ASTN1: variants seen among roughly 807,000 people sequenced by gnomAD.
ASTN1 encodes the protein astrotactin-1.
In ASTN1, 41 loss-of-function variants were observed where a neutral mutation model predicts 140.7. The ratio of observed to expected loss-of-function variants is 0.29; its 90% CI spans 0.23 to 0.38. The LOEUF is 0.38. Ranked by LOEUF, ASTN1 falls within the 10% of genes least tolerant of loss-of-function variation. The pLI, the probability that ASTN1 is intolerant of heterozygous loss-of-function variation, is 1.00. For synonymous variants in ASTN1, 640 were observed against 652.2 expected (o/e 0.98, Z 0.29); for missense variants, 1,479 against 1,678.8 (o/e 0.88, Z 2.08).
At position 176,976,247 on chromosome 1, in the gene ASTN1, C is replaced by T. The variant is rs1015531287; in HGVS notation, c.1524-11010G>A. 8 of 152,324 alleles carry T rather than the reference C, an allele frequency of 5.3e-5. 1 individual carries two copies. The South Asian group carries it at 1.0e-3, about 20-fold the overall frequency. The allele number at this position is 152,324 out of a possible 1,614,324, so 9.4% of individuals were successfully genotyped here. A position where few individuals can be genotyped will look rare whatever the true frequency, so the allele number is the denominator to read the frequency against. On this transcript the variant is annotated intron_variant, in intron 8 of 22. Transcript: ENST00000361833. ...CATCTACAGGTACAGATGCCCCCACCTATGCACACATACACACATGTGGTC... is the reference window on the plus strand; with the variant it reads ...CATCTACAGGTACAGATGCCCCCACTTATGCACACATACACACATGTGGTC...
chr1:177,106,153 G>A (rs543757327), intron 1 of ASTN1, among the ~76,000 whole-genome samples: 32 of 152,240 alleles, frequency 2.1e-4, no homozygotes, highest in Middle Eastern at 3.4e-3. Context: ...CTTCCCAGAA[G>A]GTGTGATGAT....
At chr1:176,887,999 A>G in intron 18 of ASTN1, 72 bp downstream of exon 18, 2 of 1,596,756 alleles carry the variant, frequency 1.3e-6, no homozygotes, top group Middle Eastern at 1.7e-4. Flanking sequence ...TACCCAGCCT[A>G]TTTCTTTGCA....
chr1:177,097,905 G>A (rs77789823), intron 1 of ASTN1, among the ~76,000 whole-genome samples: 4,569 of 152,162 alleles, frequency 0.03, 114 homozygotes, highest in East Asian at 0.1. Flanking sequence ...ACACATTCAG[G>A]TGCTGAGAAG....
intron 8 of ASTN1, 102 bp from the exon 9 acceptor site, chr1:176,965,339 C>A: frequency 8.8e-7 from 1 of 1,131,404 alleles, no homozygotes; most frequent in Non-Finnish European, 1.3e-6. Flanking sequence ...ACCCAGCCAT[C>A]CAGGGCATAG....
At chr1:176,857,649 G>C (rs755189954), downstream of ASTN1, 21 of 616,794 alleles carry the variant, frequency 3.4e-5, no homozygotes, top group Non-Finnish European at 3.0e-6. Flanking sequence ...CACGCTGGAA[G>C]CCTGTTGACA....
intron 11 of ASTN1, among the ~76,000 whole-genome samples, chr1:176,955,438 T>G (rs958731716): frequency 6.6e-6 from 1 of 152,172 alleles, no homozygotes; most frequent in Non-Finnish European, 1.5e-5. Context: ...AGGAAGCCTA[T>G]GCTTCACCAG....
intron 5 of ASTN1, among the ~76,000 whole-genome samples, chr1:177,029,176 A>G (rs1416029363): frequency 1.3e-5 from 2 of 152,218 alleles, no homozygotes; most frequent in East Asian, 3.9e-4. Flanking sequence ...ACAATTACAC[A>G]GATTTTCAGG....
chr1:176,992,584 A>G (rs1422976174), intron 8 of ASTN1, among the ~76,000 whole-genome samples: 1 of 152,182 alleles, frequency 6.6e-6, no homozygotes, highest in Non-Finnish European at 1.5e-5. Flanking sequence ...TGAAATAGCA[A>G]AAGAAGCTCT....
intron 8 of ASTN1, among the ~76,000 whole-genome samples, chr1:177,010,286 C>A (rs1455684232): frequency 6.6e-6 from 1 of 152,140 alleles, no homozygotes; most frequent in Non-Finnish European, 1.5e-5. Context: ...ACAGGGATAG[C>A]AGGCCAAGGA....
chr1:176,858,267 GA>G (rs1667870833), downstream of ASTN1, among the ~76,000 whole-genome samples: 1 of 152,158 alleles, frequency 6.6e-6, no homozygotes, highest in African/African-American at 2.4e-5. Context: ...CCAAGTCCTG[GA>G]CTCCCACATA....
intron 1 of ASTN1, among the ~76,000 whole-genome samples, chr1:177,145,578 C>T (rs1263969379): frequency 6.6e-6 from 1 of 152,174 alleles, no homozygotes; most frequent in East Asian, 1.9e-4. Context: ...CTCTGTTCTC[C>T]ATAGGACCCA....
chr1:176,892,557 A>G (rs1669310918), intron 17 of ASTN1, among the ~76,000 whole-genome samples: 1 of 152,170 alleles, frequency 6.6e-6, no homozygotes, highest in South Asian at 2.1e-4. Context: ...GATGAGTTCA[A>G]ATGTGTTGGG....
chr1:177,003,041 C>A (rs1241982653), intron 8 of ASTN1, among the ~76,000 whole-genome samples: 1 of 151,928 alleles, frequency 6.6e-6, no homozygotes, highest in Non-Finnish European at 1.5e-5. Context: ...ATATTCACAG[C>A]CAAATTCTAC....
At chr1:176,997,862 G>T (rs1439520816) in intron 8 of ASTN1, among the ~76,000 whole-genome samples, 1 of 152,142 alleles carries the variant, frequency 6.6e-6, no homozygotes, top group Non-Finnish European at 1.5e-5. Context: ...AGGTATTTGG[G>T]CTGGGTCTTG....
At chr1:177,139,736 A>T (rs1682375433) in intron 1 of ASTN1, among the ~76,000 whole-genome samples, 1 of 152,202 alleles carries the variant, frequency 6.6e-6, no homozygotes, top group Non-Finnish European at 1.5e-5. Context: ...GGGTAAGACA[A>T]GGTGAGGAAA....
intron 8 of ASTN1, among the ~76,000 whole-genome samples, chr1:177,003,993 G>GA (rs1674868685): frequency 6.6e-6 from 1 of 151,636 alleles, no homozygotes; most frequent in Admixed American, 6.6e-5. Context: ...GCAAGACAAA[G>GA]AAAAAAAGGG....
At chr1:176,929,004 A>T (rs1033781340) in intron 16 of ASTN1, among the ~76,000 whole-genome samples, 2 of 152,194 alleles carry the variant, frequency 1.3e-5, no homozygotes, top group Non-Finnish European at 1.5e-5. Context: ...CAAATCTCTG[A>T]CCTTGGACTT....
chr1:177,037,705 T>G (rs932560270), intron 2 of ASTN1, among the ~76,000 whole-genome samples: 3 of 152,230 alleles, frequency 2.0e-5, no homozygotes, highest in African/African-American at 7.2e-5. Flanking sequence ...TTGCTCATTA[T>G]TCATCTTTGC....
At chr1:176,992,974 G>A (rs757313398) in intron 8 of ASTN1, among the ~76,000 whole-genome samples, 7 of 152,188 alleles carry the variant, frequency 4.6e-5, no homozygotes, top group Non-Finnish European at 8.8e-5. Flanking sequence ...AATCCAATAG[G>A]ATTGGCTTCG....
Sources: allele counts gnomAD v4.1 joint callset (sites outside exome capture counted in the v4.1 genomes callset), GRCh38; gene constraint gnomAD v4.1.1; transcripts MANE v1.5; gene names NCBI Gene and HGNC (gene_info 2026-07-23, HGNC 2026-07-21).